The following PRR35 variants were observed in gnomAD, a reference collection of about 807,000 sequenced individuals.
The protein encoded by PRR35 is proline rich 35, also known as proline-rich protein 35.
PRR35 carries 14 observed loss-of-function variants against 18.6 expected under a neutral mutation model. That is an observed-to-expected ratio of 0.75 (90% CI 0.50 to 1.18). The LOEUF (loss-of-function observed/expected upper bound fraction) is 1.18, where lower values mean the gene tolerates loss of function less well. Among genes scored for constraint, PRR35 ranks in the 50% most tolerant of loss-of-function variants. PRR35 has a pLI of 0.00. For synonymous variants in PRR35, 425 were observed against 378.2 expected, an observed-to-expected ratio of 1.12 and a Z score of -1.43; for missense variants, 832 against 792.2, an observed-to-expected ratio of 1.05 and a Z score of -0.60.
intron 1 of PRR35, 75 bp downstream of exon 1, chr16:560,736 C>T: frequency 2.3e-6 from 2 of 887,828 alleles, no homozygotes; most frequent in Non-Finnish European, 2.7e-6. Context: ...GCGGGGGCAG[C>T]GGGTGGCCAG....
At chr16:561,130 C>G (rs904041078) in intron 1 of PRR35, among the ~76,000 whole-genome samples, 2 of 152,188 alleles carry the variant, frequency 1.3e-5, no homozygotes, top group Non-Finnish European at 2.9e-5. Context: ...GAGCGATTGC[C>G]GGGTCCGGCT....
chr16:564,167 G>A lies in PRR35; in HGVS notation c.873G>A (p.Arg291=), dbSNP rs1476903004. The A allele has an allele frequency of 5.1e-6, 8 of 1,565,380 alleles. No individual in the cohort carries two copies. The highest frequency in any genetic ancestry group is 6.9e-6 in the Non-Finnish European group (8 of 1,162,548). ...AALAKAPVSP[R]SPSGTPAPGL... ...TTGCCAAGGCCCCTGTCTCCCCCAG[G>A]AGCCCCTCTGGGACTCCGGCTCCTG... Residue 291 remains arginine (R), a synonymous_variant, in exon 2 of 3, where the codon AGG becomes AGA. Transcript: ENST00000409413.
upstream of PRR35, chr16:559,891 G>T: frequency 2.4e-6 from 1 of 420,402 alleles, no homozygotes; most frequent in Non-Finnish European, 3.2e-6. Context: ...CGGCTCCGCT[G>T]GCTCAGTCCG....
At position 564,908 on chromosome 16, in the gene PRR35, G is replaced by C. The variant is rs1282889979; in HGVS notation, c.1317G>C (p.Gln439His). 2 of 1,594,592 alleles carry C rather than the reference G, an allele frequency of 1.3e-6. No individual in the cohort carries two copies. Among genetic ancestry groups the C allele is most frequent in the Non-Finnish European group, 1.7e-6 (2 of 1,174,480 alleles). Residue 439 changes from glutamine to histidine, a missense_variant, in exon 3 of 3, where the codon CAG becomes CAC. By Grantham distance (24) the Gln-to-His change is conservative (BLOSUM62 0). This residue lies in a region of PRR35 where 768 missense variants were observed against 704.1 expected (regional missense o/e 1.09). Coordinates refer to ENST00000409413, the MANE Select transcript of PRR35 (RefSeq NM_145270.3). Reference sequence around the variant, plus strand: ...TGGCCCCGAGACCCCTGCGGGAGCAGCTGGGCAAGATCCGCCTGGAGCTGC... The same window carrying C: ...TGGCCCCGAGACCCCTGCGGGAGCACCTGGGCAAGATCCGCCTGGAGCTGC... ...GGLAPRPLREQLGKIRLELLT... is the reference protein window; with the variant it reads ...GGLAPRPLREHLGKIRLELLT...
rs1482501351 is a variant in PRR35 at position 564,879 on chromosome 16, G to A, written c.1288G>A (p.Gly430Ser). ...CCTGGGACAGTTGGGGCCCGCGGGG[G>A]GCCTGGCCCCGAGACCCCTGCGGGA... is the stretch of plus-strand genomic sequence containing the variant. ...QRLGQLGPAG[G>S]LAPRPLREQL... The change falls in exon 3 of 3, where the codon GGC becomes AGC. Residue 430 changes from glycine to serine, a missense_variant. Coordinates refer to ENST00000409413, the MANE Select transcript of PRR35 (RefSeq NM_145270.3). The A allele has an allele frequency of 1.9e-6, 3 of 1,574,924 alleles. No homozygotes were observed. Among genetic ancestry groups the A allele is most frequent in the East Asian group, 2.3e-5 (1 of 43,532 alleles).
In PRR35 at chr16:563,152, G is replaced by T. The variant is rs1343305051; in HGVS notation, c.-39-104G>T. The T allele has an allele frequency of 7.7e-6, 9 of 1,172,816 alleles. No individual in the cohort carries two copies. The South Asian group carries it at 8.5e-5, about 11-fold the overall frequency. 72.7% of individuals were successfully genotyped at this position (1,172,816 alleles called of 1,614,324 possible). A position where few individuals can be genotyped will look rare whatever the true frequency, so the allele number is the denominator to read the frequency against. On this transcript the variant is annotated intron_variant, in intron 1 of 2. Coordinates refer to ENST00000409413, the MANE Select transcript of PRR35 (RefSeq NM_145270.3). ...GCAGGGCAGAGGCGGCGGGGTGGGG[G>T]GAGCACCCAGGCTCCAGTCCCTGGA... is the stretch of plus-strand genomic sequence containing the variant.
At chr16:562,559 A>ACG (rs1160702195) in intron 1 of PRR35, among the ~76,000 whole-genome samples, 4 of 151,262 alleles carry the variant, frequency 2.6e-5, no homozygotes, top group Non-Finnish European at 5.9e-5. Flanking sequence ...ATGCACGCAC[A>ACG]CACACGTGCA....
At chr16:560,707 G>A in intron 1 of PRR35, 46 bp downstream of exon 1, 3 of 980,594 alleles carry the variant, frequency 3.1e-6, no homozygotes, top group Middle Eastern at 5.2e-4. Context: ...GGCGTCGCGG[G>A]GCCGGCTGGA....
Position 565,085 on chromosome 16 carries a change from C to T in PRR35, c.1494C>T (p.Pro498=), listed in dbSNP as rs371641570. 3.3e-5 allele frequency: 52 copies of T among 1,592,532 alleles called. No homozygotes were observed. The highest frequency in any genetic ancestry group is 2.6e-4 in the Admixed American group (15 of 58,188). The change falls in exon 3 of 3, where the codon CCC becomes CCT. Residue 498 remains proline (P), a synonymous_variant. Coordinates refer to ENST00000409413, the MANE Select transcript of PRR35 (RefSeq NM_145270.3). Reference sequence around the variant, plus strand: ...GTCCCGTGTTGACCGGGGGCACCCCCGAGCCACCCGGCATGCTGGGCCCTG... The same window carrying T: ...GTCCCGTGTTGACCGGGGGCACCCCTGAGCCACCCGGCATGCTGGGCCCTG... ...ELGPVLTGGT[P]EPPGMLGPAA...
At chr16:562,364 C>T (rs2035447213) in intron 1 of PRR35, among the ~76,000 whole-genome samples, 1 of 152,240 alleles carries the variant, frequency 6.6e-6, no homozygotes, top group Non-Finnish European at 1.5e-5. Flanking sequence ...AAGAGACCCC[C>T]AGTGCCCACC....
At chr16:564,536 G>A in intron 2 of PRR35, 138 bp from the exon 3 acceptor site, 2 of 1,397,476 alleles carry the variant, frequency 1.4e-6, no homozygotes, top group Non-Finnish European at 1.9e-6. Flanking sequence ...CCGAGAGCCA[G>A]CGCGGGGGTC....
rs746785902 is a variant in PRR35, at chr16:564,684, G to A, written c.1093G>A (p.Gly365Ser). ...RFCSRSSLPT[G>S]SSVMLWPEDG... ...GCTTCCACCCCACAGCCTGCCCACC[G>A]GCTCCTCTGTGATGCTGTGGCCTGA... The change falls in exon 3 of 3, where the codon GGC becomes AGC. Residue 365 changes from glycine (G) to serine (S), a missense_variant. Coordinates refer to ENST00000409413, the MANE Select transcript of PRR35 (RefSeq NM_145270.3). 7.9e-6 allele frequency: 12 copies of A among 1,527,598 alleles called. No homozygotes were observed. The highest frequency in any genetic ancestry group is 2.5e-5 in the East Asian group (1 of 40,792). The allele number at this position is 1,527,598 out of a possible 1,614,324, so 94.6% of individuals were successfully genotyped here. A position where few individuals can be genotyped will look rare whatever the true frequency, so the allele number is the denominator to read the frequency against.
In PRR35 at chr16:564,224, G is replaced by A. The variant is rs756960689; in HGVS notation, c.930G>A (p.Gly310=). The change falls in exon 2 of 3, where the codon GGG becomes GGA. Residue 310 remains glycine, a synonymous_variant. Transcript: ENST00000409413. ...TGAAGGTGCCAGTTCCAGGGCTGGGGCCCTGGCCCCGAGTCACCCCCAGGG... is the reference window on the plus strand; with the variant it reads ...TGAAGGTGCCAGTTCCAGGGCTGGGACCCTGGCCCCGAGTCACCCCCAGGG... The part of the protein sequence containing the change: ...GLLKVPVPGL[G]PWPRVTPRDP... 11 of 1,570,280 alleles carry A rather than the reference G, an allele frequency of 7.0e-6. No individual in the cohort carries two copies. In the African/African-American group the frequency reaches 1.5e-4, roughly 21 times the overall value.
chr16:564,230 GC>G lies in PRR35; in HGVS notation c.940del (p.Arg314GlufsTer40). On this transcript the variant is annotated frameshift_variant, in exon 2 of 3. Transcript: ENST00000409413. LOFTEE classifies it high-confidence loss of function. Reference sequence around the variant, plus strand: ...TGCCAGTTCCAGGGCTGGGGCCCTGGCCCCGAGTCACCCCCAGGGACCCAGG... The same window carrying G: ...TGCCAGTTCCAGGGCTGGGGCCCTGGCCCGAGTCACCCCCAGGGACCCAGG... ...KVPVPGLGPW[P>X]RVTPRDPGQE... 6.4e-7 allele frequency: 1 copy of G among 1,571,266 alleles called. No individual in the cohort carries two copies.
At chr16:562,235 G>A (rs1460539423) in intron 1 of PRR35, among the ~76,000 whole-genome samples, 1 of 152,218 alleles carries the variant, frequency 6.6e-6, no homozygotes, top group Non-Finnish European at 1.5e-5. Context: ...AGGCTCGGCC[G>A]CTGACCTGCC....
chr16:565,007 G>A lies in PRR35; in HGVS notation c.1416G>A (p.Ala472=), dbSNP rs575833090. 7 of 1,604,570 alleles carry A rather than the reference G, an allele frequency of 4.4e-6. No homozygotes were observed. The highest frequency in any genetic ancestry group is 2.2e-5 in the East Asian group (1 of 44,456). ...DAPLDLSVKR[A]PAKGPQALGE... The stretch of plus-strand genomic sequence containing the variant: ...CCCTCGACCTCTCTGTGAAACGTGC[G>A]CCCGCCAAGGGGCCCCAGGCTCTTG... Residue 472 remains alanine (A), a synonymous_variant, in exon 3 of 3, where the codon GCG becomes GCA. Transcript: ENST00000409413.
At position 563,278 on chromosome 16, in the gene PRR35, C is replaced by T. The variant is rs774272549; in HGVS notation, c.-17C>T. On this transcript the variant is annotated 5_prime_UTR_variant, in exon 2 of 3. Coordinates refer to ENST00000409413, the MANE Select transcript of PRR35 (RefSeq NM_145270.3). ...CAGGTGGCCATGGTGCCCGGCCCTGCCTCATAGCAGGCTGCCATGTCGCGG... is the reference window on the plus strand; with the variant it reads ...CAGGTGGCCATGGTGCCCGGCCCTGTCTCATAGCAGGCTGCCATGTCGCGG... 1.9e-6 allele frequency: 3 copies of T among 1,590,554 alleles called. No individual in the cohort carries two copies. The highest frequency in any genetic ancestry group is 4.5e-5 in the East Asian group (2 of 44,558).
chr16:562,537 A>G lies in PRR35; in HGVS notation c.-39-719A>G, dbSNP rs377218981. ...CACACACAGGCGCACACACGTGTGC[A>G]CACACACGCACATGCACGCACACAC... is the stretch of plus-strand genomic sequence containing the variant. On this transcript the variant is annotated intron_variant, in intron 1 of 2. Transcript: ENST00000409413. Among the ~76,000 whole-genome samples the G allele has an allele frequency of 1.3e-4, 20 of 151,432 alleles. 1 individual carries two copies. Among genetic ancestry groups the G allele is most frequent in the South Asian group, 4.1e-4 (2 of 4,820 alleles).
chr16:564,153 C>A lies in PRR35; in HGVS notation c.859C>A (p.Pro287Thr). 1 of 1,568,822 alleles carries A rather than the reference C, an allele frequency of 6.4e-7. No individual in the cohort carries two copies. Reference sequence around the variant, plus strand: ...AGGCAAAGCTGCCCTTGCCAAGGCCCCTGTCTCCCCCAGGAGCCCCTCTGG... The same window carrying A: ...AGGCAAAGCTGCCCTTGCCAAGGCCACTGTCTCCCCCAGGAGCCCCTCTGG... ...PAGKAALAKA[P>T]VSPRSPSGTP... Residue 287 changes from proline to threonine, a missense_variant, in exon 2 of 3, where the codon CCT (proline) becomes ACT (threonine). Pro to Thr is a conservative substitution (Grantham distance 38). Transcript: ENST00000409413.
Sources: gnomAD v4.1 joint callset for allele counts (sites outside exome capture counted in the v4.1 genomes callset) on GRCh38, gnomAD v4.1.1 for gene constraint, gnomAD v4.1.1 regional missense constraint, MANE v1.5 for transcripts, NCBI Gene and HGNC (gene_info 2026-07-23, HGNC 2026-07-21) for gene names.